GRIA1: variants seen among roughly 807,000 people sequenced by gnomAD.
GRIA1 encodes the protein glutamate receptor 1.
In GRIA1, 31 loss-of-function variants were observed where a neutral mutation model predicts 99.2. That is an observed-to-expected ratio of 0.31 (90% CI 0.23 to 0.42). The LOEUF (loss-of-function observed/expected upper bound fraction) is 0.42. Among genes scored for constraint, GRIA1 ranks in the 10% least tolerant of loss-of-function variants. The pLI is 1.00. For missense variants in GRIA1, 782 were observed against 1,157.5 expected (o/e 0.68, Z 4.71); for synonymous variants, 438 against 432.4 (o/e 1.01, Z -0.16).
chr5:153,566,474 T>G (rs1761636524), intron 2 of GRIA1, among the ~76,000 whole-genome samples: 1 of 150,266 alleles, frequency 6.7e-6, no homozygotes, highest in Admixed American at 6.6e-5. Context: ...AAGCTAATTT[T>G]TTTGCATTTT....
At chr5:153,766,542 G>A (rs1050952243) in intron 12 of GRIA1, among the ~76,000 whole-genome samples, 2 of 152,170 alleles carry the variant, frequency 1.3e-5, no homozygotes, top group Non-Finnish European at 1.5e-5. Flanking sequence ...CCACTTTGCG[G>A]ATAAGAAATT....
intron 2 of GRIA1, among the ~76,000 whole-genome samples, chr5:153,568,681 T>A (rs567503153): frequency 6.6e-6 from 1 of 152,270 alleles, no homozygotes; most frequent in African/African-American, 2.4e-5. Context: ...AGCCACCACC[T>A]TTGTCTTTAC....
chr5:153,715,161 T>C (rs1381661557), intron 11 of GRIA1, among the ~76,000 whole-genome samples: 1 of 152,216 alleles, frequency 6.6e-6, no homozygotes, highest in Non-Finnish European at 1.5e-5. Context: ...GGAAGTAAGA[T>C]GGTCTCTAGT....
At position 153,621,267 on chromosome 5, in the gene GRIA1, T is replaced by A. The variant is rs13360767; in HGVS notation, c.221-25661T>A. Reference sequence around the variant, plus strand: ...ATTAAGTGATTAGTAGGTCTCCTTATGATGTGTTATAACTCAAAACATCAG... The same window carrying A: ...ATTAAGTGATTAGTAGGTCTCCTTAAGATGTGTTATAACTCAAAACATCAG... On this transcript the variant is annotated intron_variant, in intron 2 of 15. Transcript: ENST00000285900. Among the ~76,000 whole-genome samples, 1,185 of 152,278 alleles carry A rather than the reference T, an allele frequency of 7.8e-3. 16 individuals carry two copies. The highest frequency in any genetic ancestry group is 0.027 in the African/African-American group (1,127 of 41,548).
At chr5:153,647,709 A>T (rs1004594785) in intron 3 of GRIA1, among the ~76,000 whole-genome samples, 4 of 152,182 alleles carry the variant, frequency 2.6e-5, no homozygotes, top group Non-Finnish European at 5.9e-5. Flanking sequence ...AGATGTTATC[A>T]TCATCATCAT....
intron 11 of GRIA1, among the ~76,000 whole-genome samples, chr5:153,755,087 G>C (rs950378118): frequency 6.6e-6 from 1 of 152,180 alleles, no homozygotes; most frequent in Non-Finnish European, 1.5e-5. Context: ...CAAACAAAGA[G>C]CAGTATGACC....
chr5:153,541,099 T>G (rs1759046817), intron 2 of GRIA1, among the ~76,000 whole-genome samples: 1 of 152,248 alleles, frequency 6.6e-6, no homozygotes, highest in Non-Finnish European at 1.5e-5. Context: ...GCCTTCATTT[T>G]GCATGTGCCT....
intron 5 of GRIA1, among the ~76,000 whole-genome samples, chr5:153,670,443 ATT>A (rs11319462): frequency 6.7e-5 from 10 of 149,280 alleles, no homozygotes; most frequent in Non-Finnish European, 8.9e-5. Context: ...GATTAATTTC[ATT>A]TTTTTTTTTG....
chr5:153,707,751 C>T (rs954479023), intron 11 of GRIA1, among the ~76,000 whole-genome samples: 5 of 152,080 alleles, frequency 3.3e-5, no homozygotes, highest in African/African-American at 1.2e-4. Flanking sequence ...ACTTATTTGG[C>T]CTGCTGTATA....
chr5:153,519,713 C>A (rs1756963284), intron 2 of GRIA1, among the ~76,000 whole-genome samples: 1 of 152,056 alleles, frequency 6.6e-6, no homozygotes, highest in Admixed American at 6.6e-5. Context: ...AAAGACAGTC[C>A]TAGACAAGGA....
At chr5:153,527,037 A>G (rs1324867612) in intron 2 of GRIA1, among the ~76,000 whole-genome samples, 2 of 152,198 alleles carry the variant, frequency 1.3e-5, no homozygotes, top group Non-Finnish European at 2.9e-5. Flanking sequence ...AATTATTTCC[A>G]GTATCCCCTA....
At chr5:153,546,487 T>C (rs1466382922) in intron 2 of GRIA1, among the ~76,000 whole-genome samples, 5 of 152,212 alleles carry the variant, frequency 3.3e-5, no homozygotes, top group Non-Finnish European at 5.9e-5. Context: ...TAATTTATGC[T>C]TATTATAATG....
intron 2 of GRIA1, among the ~76,000 whole-genome samples, chr5:153,513,603 T>C (rs1756321066): frequency 6.6e-6 from 1 of 152,212 alleles, no homozygotes; most frequent in African/African-American, 2.4e-5. Flanking sequence ...GTTTTGTCGC[T>C]GATTAACCTG....
chr5:153,762,746 T>C (rs964298964), intron 11 of GRIA1, among the ~76,000 whole-genome samples: 1 of 152,206 alleles, frequency 6.6e-6, no homozygotes, highest in Non-Finnish European at 1.5e-5. Context: ...TATATCTCTG[T>C]AAATGGTTCA....
chr5:153,748,093 GAGAT>G (rs1196883488), intron 11 of GRIA1, among the ~76,000 whole-genome samples: 10 of 152,280 alleles, frequency 6.6e-5, no homozygotes, highest in Middle Eastern at 3.4e-3. Context: ...TTAGTGGAGG[GAGAT>G]AGATAGATAA....
chr5:153,659,949 A>T (rs1755236972), intron 5 of GRIA1, among the ~76,000 whole-genome samples: 1 of 152,196 alleles, frequency 6.6e-6, no homozygotes, highest in South Asian at 2.1e-4. Context: ...TTTTTATACC[A>T]TATTATAGTT....
rs556582600 is a variant in GRIA1 at position 153,592,818 on chromosome 5, A to G, written c.221-54110A>G. On this transcript the variant is annotated intron_variant, in intron 2 of 15. Transcript: ENST00000285900. ...GAAGTACAAGATCAATGTGAGGCCA[A>G]TTTGGGTCTTGGCAAAGACCTGCTT... 9.2e-5 allele frequency among the ~76,000 whole-genome samples: 14 copies of G among 152,292 alleles called. No individual in the cohort carries two copies. The East Asian group carries it at 2.3e-3, about 25-fold the overall frequency.
At chr5:153,766,805 A>G (rs1763547888) in intron 12 of GRIA1, among the ~76,000 whole-genome samples, 1 of 152,340 alleles carries the variant, frequency 6.6e-6, no homozygotes, top group Middle Eastern at 3.4e-3. Flanking sequence ...CTACCTAATG[A>G]GAGGCACAGC....
At chr5:153,692,228 A>G (rs1757816555) in intron 8 of GRIA1, among the ~76,000 whole-genome samples, 2 of 151,630 alleles carry the variant, frequency 1.3e-5, no homozygotes, top group African/African-American at 4.9e-5. Context: ...AGTCACTCCC[A>G]CTCACCCAGC....
Sources: gnomAD v4.1 joint callset for allele counts (sites outside exome capture counted in the v4.1 genomes callset) on GRCh38, gnomAD v4.1.1 for gene constraint, MANE v1.5 for transcripts, NCBI Gene and HGNC (gene_info 2026-07-23, HGNC 2026-07-21) for gene names.